SYT16: variants seen among roughly 807,000 people sequenced by gnomAD.
SYT16 encodes the protein synaptotagmin 16.
In SYT16, 42 loss-of-function variants were observed where a neutral mutation model predicts 61.4. The ratio of observed to expected loss-of-function variants is 0.68; its 90% CI spans 0.53 to 0.89. SYT16 has a LOEUF of 0.89. Among genes scored for constraint, SYT16 ranks in the 40% least tolerant of loss-of-function variants. The pLI is 0.00. For synonymous variants in SYT16, 314 were observed against 302.3 expected (o/e 1.04, Z -0.40); for missense variants, 804 against 807.3 (o/e 1.00, Z 0.05).
At chr14:62,019,318 TG>T (rs1362587673) in intron 3 of SYT16, among the ~76,000 whole-genome samples, 2 of 152,212 alleles carry the variant, frequency 1.3e-5, no homozygotes, top group East Asian at 1.9e-4. Context: ...ATATTTGATA[TG>T]TTTTTTTCAT....
At chr14:61,870,426 C>T (rs575316403) in intron 1 of SYT16, among the ~76,000 whole-genome samples, 41 of 151,206 alleles carry the variant, frequency 2.7e-4, no homozygotes, top group South Asian at 1.0e-3. Context: ...TTTTTAGATA[C>T]CTGATGATGA....
chr14:61,995,922 A>C lies in SYT16; in HGVS notation c.-98A>C, dbSNP rs1360923799. On this transcript the variant is annotated 5_prime_UTR_variant, in exon 3 of 8. Transcript: ENST00000683842. Reference sequence around the variant, plus strand: ...TATTCACAGCCATTAAGAGACCTCCAAATTAATTTCTCAACATGCTTATTC... The same window carrying C: ...TATTCACAGCCATTAAGAGACCTCCCAATTAATTTCTCAACATGCTTATTC... The C allele has an allele frequency of 7.8e-7, 1 of 1,274,730 alleles. No individual in the cohort carries two copies. Among genetic ancestry groups the C allele is most frequent in the African/African-American group, 1.5e-5 (1 of 66,862 alleles). 79.0% of individuals were successfully genotyped at this position (1,274,730 alleles called of 1,614,324 possible).
intron 1 of SYT16, among the ~76,000 whole-genome samples, chr14:61,844,578 A>G (rs217701): frequency 0.93 from 140,918 of 152,192 alleles, 65,382 homozygotes; most frequent in East Asian, 1. Flanking sequence ...ATTTTTTTAG[A>G]GTTTTTATCA....
chr14:61,826,804 T>G (rs1337431042), intron 1 of SYT16, among the ~76,000 whole-genome samples: 2 of 152,050 alleles, frequency 1.3e-5, no homozygotes, highest in African/African-American at 2.4e-5. Context: ...TTCTAGAGGT[T>G]GTAAGTCCAA....
In SYT16 at chr14:62,087,885, G is replaced by C. The variant is rs559467666; in HGVS notation, c.1624+3500G>C. ...TCCTTTCTCTGATGGGCTGGAGGTA[G>C]TGGGGCCAATAATAGAAATGTGAGT... On this transcript the variant is annotated intron_variant, in intron 7 of 7. Transcript: ENST00000683842. 2.6e-5 allele frequency among the ~76,000 whole-genome samples: 4 copies of C among 152,290 alleles called. No homozygotes were observed. In the South Asian group the frequency reaches 8.3e-4, roughly 32 times the overall value.
intron 3 of SYT16, among the ~76,000 whole-genome samples, chr14:62,056,566 G>A (rs981334790): frequency 4.6e-5 from 7 of 152,158 alleles, no homozygotes; most frequent in African/African-American, 1.7e-4. Flanking sequence ...TAAGTATAAA[G>A]GCCCCGAGTA....
At chr14:62,024,684 A>G (rs1339841802) in intron 3 of SYT16, among the ~76,000 whole-genome samples, 2 of 152,024 alleles carry the variant, frequency 1.3e-5, no homozygotes, top group Non-Finnish European at 2.9e-5. Flanking sequence ...TTGGTGTTGT[A>G]TGTTCTATGA....
chr14:62,000,235 G>A (rs1465877630), intron 3 of SYT16, among the ~76,000 whole-genome samples: 3 of 148,196 alleles, frequency 2.0e-5, no homozygotes, highest in South Asian at 2.2e-4. Flanking sequence ...TTTGCTTTAC[G>A]TAGTTTGAAG....
intron 1 of SYT16, among the ~76,000 whole-genome samples, chr14:61,845,039 C>CTTTTTTTTT (rs35131511): frequency 1.0e-5 from 1 of 97,614 alleles, no homozygotes; most frequent in African/African-American, 4.8e-5. Context: ...TACTAGAAGA[C>CTTTTTTTTT]TTTTTTTTTT....
chr14:61,988,298 A>G (rs919827708), intron 2 of SYT16, among the ~76,000 whole-genome samples: 3 of 152,184 alleles, frequency 2.0e-5, no homozygotes, highest in Admixed American at 6.5e-5. Context: ...GTATCTGAAA[A>G]TGGATTTCTG....
In SYT16 at chr14:61,858,143, A is replaced by AAG. The variant is rs2046841668; in HGVS notation, c.-325+45333_-325+45334insAG. Among the ~76,000 whole-genome samples, 7 of 144,634 alleles carry AAG rather than the reference A, an allele frequency of 4.8e-5. No homozygotes were observed. The South Asian group carries it at 1.6e-3, about 32-fold the overall frequency. The allele number at this position is 144,634 out of a possible 152,430, so 94.9% of individuals were successfully genotyped here. On this transcript the variant is annotated intron_variant, in intron 1 of 7. Transcript: ENST00000683842. ...GGCAAAAAAAAAAAAAAAAAAAAAA[A>AAG]GAAAGAAAAAAAGAAAAAAAAAATT...
rs138248720 is a variant in SYT16 at position 61,825,594 on chromosome 14, G to A, written c.-325+12784G>A. Among the ~76,000 whole-genome samples the A allele has an allele frequency of 2.9e-3, 434 of 152,184 alleles. 5 individuals carry two copies. Among genetic ancestry groups the A allele is most frequent in the South Asian group, 0.023 (112 of 4,808 alleles). ...GCTACTTGGGAGGCTGAGGTAGGAG[G>A]ATGGCTTGAGCCCAGGGACACTGAG... On this transcript the variant is annotated intron_variant, in intron 1 of 7. Transcript: ENST00000683842.
intron 7 of SYT16, among the ~76,000 whole-genome samples, chr14:62,086,726 G>A (rs1480409147): frequency 1.3e-5 from 2 of 152,134 alleles, no homozygotes; most frequent in African/African-American, 2.4e-5. Flanking sequence ...AGGAAAAAAA[G>A]GCAAGTCCTA....
intron 4 of SYT16, among the ~76,000 whole-genome samples, chr14:62,070,342 C>G (rs573323177): frequency 6.6e-6 from 1 of 152,068 alleles, no homozygotes; most frequent in East Asian, 1.9e-4. Flanking sequence ...ATTAAATAAC[C>G]TTTTTCAAAC....
chr14:62,074,613 G>A (rs536077137), intron 4 of SYT16, among the ~76,000 whole-genome samples: 18 of 152,250 alleles, frequency 1.2e-4, no homozygotes, highest in Admixed American at 2.0e-4. Flanking sequence ...AATATTGTCC[G>A]GGTTCTTATG....
At chr14:61,874,031 TACTC>T (rs1050868360) in intron 1 of SYT16, among the ~76,000 whole-genome samples, 1 of 152,226 alleles carries the variant, frequency 6.6e-6, no homozygotes, top group Admixed American at 6.5e-5. Context: ...CTCAGATTAA[TACTC>T]AGAAATACTC....
intron 1 of SYT16, among the ~76,000 whole-genome samples, chr14:61,901,425 A>T (rs1254805315): frequency 6.6e-6 from 1 of 152,184 alleles, no homozygotes; most frequent in Non-Finnish European, 1.5e-5. Context: ...AGGGAAGCTA[A>T]ACAACTTGTC....
At chr14:62,099,046 C>T (rs2057351548) in intron 7 of SYT16, among the ~76,000 whole-genome samples, 1 of 152,066 alleles carries the variant, frequency 6.6e-6, no homozygotes, top group African/African-American at 2.4e-5. Flanking sequence ...TAGTAGAATG[C>T]AGTGTATAAT....
intron 3 of SYT16, among the ~76,000 whole-genome samples, chr14:62,059,164 A>C (rs546570242): frequency 1.1e-4 from 16 of 151,956 alleles, no homozygotes; most frequent in South Asian, 4.2e-4. Flanking sequence ...GTACAAAAAA[A>C]CCCCCATGAC....
Sources: allele counts gnomAD v4.1 joint callset (sites outside exome capture counted in the v4.1 genomes callset), GRCh38; gene constraint gnomAD v4.1.1; transcripts MANE v1.5; gene names NCBI Gene and HGNC (gene_info 2026-07-23, HGNC 2026-07-21).